The following THSD7A variants were observed in gnomAD, a reference collection of about 807,000 sequenced individuals.
THSD7A encodes thrombospondin type 1 domain containing 7A.
Under a neutral mutation model 231.3 loss-of-function variants are expected in THSD7A, and 96 were observed. The ratio of observed to expected loss-of-function variants is 0.41; its 90% CI spans 0.35 to 0.49. THSD7A has a LOEUF of 0.49. THSD7A is among the 20% of genes least tolerant of loss of function. THSD7A has a pLI of 0.05. For missense variants in THSD7A, 2,290 were observed against 2,070.2 expected (o/e 1.11, Z -2.06); for synonymous variants, 940 against 743.3 (o/e 1.26, Z -4.30).
At chr7:11,566,685 G>A (rs1450170865) in intron 4 of THSD7A, among the ~76,000 whole-genome samples, 3 of 151,928 alleles carry the variant, frequency 2.0e-5, no homozygotes, top group East Asian at 1.9e-4. Context: ...TTCTCTACTC[G>A]TGATATATTC....
chr7:11,744,586 TC>T (rs887806713), intron 1 of THSD7A, among the ~76,000 whole-genome samples: 22 of 141,126 alleles, frequency 1.6e-4, no homozygotes, highest in Middle Eastern at 3.4e-3. Context: ...ATGCTATCCT[TC>T]CCCCCTCCCC....
At chr7:11,503,763 C>A (rs1186313348) in intron 6 of THSD7A, among the ~76,000 whole-genome samples, 1 of 152,154 alleles carries the variant, frequency 6.6e-6, no homozygotes, top group Non-Finnish European at 1.5e-5. Flanking sequence ...AGCGAGGTAC[C>A]ATCTTACACC....
intron 6 of THSD7A, among the ~76,000 whole-genome samples, chr7:11,537,449 T>C (rs1169531591): frequency 6.6e-6 from 1 of 152,170 alleles, no homozygotes; most frequent in Non-Finnish European, 1.5e-5. Flanking sequence ...GGCCTTATGA[T>C]AGTGAGTGAG....
chr7:11,595,922 T>G (rs1167135092), intron 2 of THSD7A, among the ~76,000 whole-genome samples: 1 of 152,236 alleles, frequency 6.6e-6, no homozygotes, highest in African/African-American at 2.4e-5. Context: ...CATGTAGAGC[T>G]CTGGCATTGG....
chr7:11,465,009 G>A (rs750309025), intron 9 of THSD7A, among the ~76,000 whole-genome samples: 13 of 152,134 alleles, frequency 8.5e-5, no homozygotes, highest in African/African-American at 2.7e-4. Flanking sequence ...AATAACTTGA[G>A]CTGGCAAACT....
chr7:11,689,692 T>C (rs1391485310), intron 1 of THSD7A, among the ~76,000 whole-genome samples: 1 of 151,490 alleles, frequency 6.6e-6, no homozygotes. Flanking sequence ...AGTTAACCTA[T>C]GATTTCAAAA....
chr7:11,715,550 CT>C (rs954185177), intron 1 of THSD7A, among the ~76,000 whole-genome samples: 3 of 151,112 alleles, frequency 2.0e-5, no homozygotes, highest in African/African-American at 7.3e-5. Context: ...TTTTTCTTTC[CT>C]TCTTTCTGTC....
At chr7:11,432,978 A>G (rs1350920660) in intron 13 of THSD7A, among the ~76,000 whole-genome samples, 1 of 152,048 alleles carries the variant, frequency 6.6e-6, no homozygotes, top group East Asian at 1.9e-4. Flanking sequence ...TTAGTCCCAG[A>G]TAATCTTCTG....
At chr7:11,648,501 A>G (rs1782368561) in intron 1 of THSD7A, among the ~76,000 whole-genome samples, 1 of 151,932 alleles carries the variant, frequency 6.6e-6, no homozygotes, top group Non-Finnish European at 1.5e-5. Flanking sequence ...ATTGGATTTT[A>G]GCTATGTCTT....
At chr7:11,624,327 G>T (rs1199909995) in intron 2 of THSD7A, among the ~76,000 whole-genome samples, 1 of 151,996 alleles carries the variant, frequency 6.6e-6, no homozygotes, top group African/African-American at 2.4e-5. Context: ...TTTTGCCTCA[G>T]TTTACTGAAG....
At chr7:11,666,007 C>T (rs777662546) in intron 1 of THSD7A, among the ~76,000 whole-genome samples, 20 of 152,042 alleles carry the variant, frequency 1.3e-4, no homozygotes, top group Non-Finnish European at 2.1e-4. Flanking sequence ...AGCTGGATAA[C>T]GGTGACAGGT....
intron 13 of THSD7A, among the ~76,000 whole-genome samples, chr7:11,441,062 CTCTT>C (rs1401773012): frequency 6.6e-6 from 1 of 151,982 alleles, no homozygotes; most frequent in East Asian, 1.9e-4. Context: ...TAGGTTGTAA[CTCTT>C]TATCTGGAAA....
At chr7:11,415,514 CAA>C (rs1186942977) in intron 17 of THSD7A, among the ~76,000 whole-genome samples, 3 of 152,190 alleles carry the variant, frequency 2.0e-5, no homozygotes, top group Non-Finnish European at 4.4e-5. Flanking sequence ...AGAACAAAAA[CAA>C]GAGGAGATCA....
intron 11 of THSD7A, among the ~76,000 whole-genome samples, chr7:11,454,416 C>G (rs184411640): frequency 9.2e-4 from 140 of 151,900 alleles, no homozygotes; most frequent in Non-Finnish European, 1.4e-3. Flanking sequence ...TATCCTTGCC[C>G]CTTGCCTCTA....
intron 4 of THSD7A, among the ~76,000 whole-genome samples, chr7:11,549,346 C>T (rs1487940435): frequency 6.6e-6 from 1 of 151,546 alleles, no homozygotes; most frequent in African/African-American, 2.4e-5. Flanking sequence ...TAAATTAGTT[C>T]AGCCATTGTG....
chr7:11,779,387 T>C (rs1251947624), intron 1 of THSD7A, among the ~76,000 whole-genome samples: 1 of 152,202 alleles, frequency 6.6e-6, no homozygotes, highest in Non-Finnish European at 1.5e-5. Flanking sequence ...TAGGTGCCCT[T>C]TCCCTTATTA....
At chr7:11,463,514 C>T (rs761856432) in intron 9 of THSD7A, among the ~76,000 whole-genome samples, 171 of 152,232 alleles carry the variant, frequency 1.1e-3, no homozygotes, top group African/African-American at 3.9e-3. Flanking sequence ...CTGTAATACA[C>T]GACCTTGTAT....
chr7:11,802,087 T>C (rs1366659752), intron 1 of THSD7A, among the ~76,000 whole-genome samples: 9 of 152,224 alleles, frequency 5.9e-5, no homozygotes, highest in Admixed American at 5.9e-4. Context: ...GCTGACAATT[T>C]TCTCAAGGCT....
intron 1 of THSD7A, among the ~76,000 whole-genome samples, chr7:11,701,153 C>A (rs889572049): frequency 2.0e-5 from 3 of 149,816 alleles, no homozygotes; most frequent in Non-Finnish European, 4.5e-5. Flanking sequence ...AAGATGTGCA[C>A]AATATTCAAA....
Sources: allele counts gnomAD v4.1 joint callset (sites outside exome capture counted in the v4.1 genomes callset), GRCh38; gene constraint gnomAD v4.1.1; transcripts MANE v1.5; gene names NCBI Gene and HGNC (gene_info 2026-07-23, HGNC 2026-07-21).